Variants in PARD3 observed in about 807,000 individuals in gnomAD.
The protein encoded by PARD3 is partitioning defective 3 homolog.
A neutral mutation model predicts 155.4 loss-of-function variants in PARD3; 75 were observed. The observed-to-expected ratio is 0.48, with a 90% CI of 0.40 to 0.58. The LOEUF (loss-of-function observed/expected upper bound fraction) is 0.58. Among genes scored for constraint, PARD3 ranks in the 20% least tolerant of loss-of-function variants. The pLI is 0.00. For missense variants in PARD3, 1,642 were observed against 1,721.7 expected (o/e 0.95, Z 0.82); for synonymous variants, 576 against 610.5 (o/e 0.94, Z 0.83).
intron 11 of PARD3, among the ~76,000 whole-genome samples, chr10:34,372,873 T>C (rs914562401): frequency 3.9e-5 from 6 of 152,108 alleles, no homozygotes; most frequent in African/African-American, 1.4e-4. Flanking sequence ...ATTTTCCCAA[T>C]CAAATCAAAG....
intron 19 of PARD3, among the ~76,000 whole-genome samples, chr10:34,328,458 T>C (rs1835275445): frequency 6.6e-6 from 1 of 152,132 alleles, no homozygotes; most frequent in Non-Finnish European, 1.5e-5. Flanking sequence ...GCCAGAACTT[T>C]TACAACTTTT....
chr10:34,814,766 C>G, intron 1 of PARD3, 110 bp downstream of exon 1: 1 of 1,002,450 alleles, frequency 1.0e-6, no homozygotes, highest in Non-Finnish European at 1.4e-6. Flanking sequence ...GCCGCACTTT[C>G]CCTTTCCCCG....
rs149138328 is a variant in PARD3 at position 34,538,488 on chromosome 10, G to C, written c.223-21329C>G. On this transcript the variant is annotated intron_variant, in intron 2 of 24. Coordinates refer to ENST00000374788, the MANE Select transcript of PARD3 (RefSeq NM_001184785.2). ...AATCATAGAAATTGAAAGAAAATAA[G>C]CTTTGCCAAGACACAGAAGCCAAGA... Among the ~76,000 whole-genome samples the C allele has an allele frequency of 2.2e-4, 34 of 152,322 alleles. No homozygotes were observed. In the East Asian group the frequency reaches 6.4e-3, roughly 28 times the overall value.
chr10:34,181,849 A>T lies in PARD3; in HGVS notation c.3420-50266T>A, dbSNP rs371386107. Among the ~76,000 whole-genome samples, 73 of 152,184 alleles carry T rather than the reference A, an allele frequency of 4.8e-4. 2 individuals are homozygous for T. In the South Asian group the frequency reaches 0.015, roughly 30 times the overall value. On this transcript the variant is annotated intron_variant, in intron 22 of 24. Transcript: ENST00000374788. ...GACAGTGCATCTGATGCCTCCAACAAAGACACAGTCCCAAATTTTAACATC... is the reference window on the plus strand; with the variant it reads ...GACAGTGCATCTGATGCCTCCAACATAGACACAGTCCCAAATTTTAACATC...
chr10:34,707,640 T>A (rs563869804), intron 1 of PARD3, among the ~76,000 whole-genome samples: 112 of 152,210 alleles, frequency 7.4e-4, no homozygotes, highest in Non-Finnish European at 1.5e-3. Flanking sequence ...AGTGCTTCTA[T>A]CCAAACTTCG....
At chr10:34,422,281 C>T (rs1043237034) in intron 5 of PARD3, among the ~76,000 whole-genome samples, 7 of 152,022 alleles carry the variant, frequency 4.6e-5, no homozygotes, top group Non-Finnish European at 8.8e-5. Context: ...AGAAAACTGA[C>T]GTAATAATGC....
chr10:34,221,862 C>T (rs1426703331), intron 22 of PARD3, among the ~76,000 whole-genome samples: 1 of 152,170 alleles, frequency 6.6e-6, no homozygotes, highest in Non-Finnish European at 1.5e-5. Flanking sequence ...CAATGCAATA[C>T]ACATGCATGT....
chr10:34,510,151 C>T (rs921645742), intron 3 of PARD3, among the ~76,000 whole-genome samples: 4 of 152,190 alleles, frequency 2.6e-5, no homozygotes, highest in Admixed American at 1.3e-4. Flanking sequence ...CTCCTTCCAA[C>T]GTAGGAACAA....
intron 2 of PARD3, among the ~76,000 whole-genome samples, chr10:34,580,257 G>A (rs1227197347): frequency 1.3e-5 from 2 of 152,120 alleles, no homozygotes; most frequent in African/African-American, 4.8e-5. Flanking sequence ...TGCTTGGCCA[G>A]GCACAGTAGT....
At chr10:34,399,868 G>GT (rs1165667413) in intron 6 of PARD3, among the ~76,000 whole-genome samples, 1 of 152,174 alleles carries the variant, frequency 6.6e-6, no homozygotes, top group South Asian at 2.1e-4. Context: ...GAATAAAGAT[G>GT]TTGCAGCTAC....
At chr10:34,487,649 T>A (rs1048045171) in intron 3 of PARD3, among the ~76,000 whole-genome samples, 1 of 151,654 alleles carries the variant, frequency 6.6e-6, no homozygotes, top group African/African-American at 2.4e-5. Context: ...ACTTTTTTTT[T>A]TTTTTAACTA....
At chr10:34,223,659 G>C (rs551762481) in intron 22 of PARD3, among the ~76,000 whole-genome samples, 3 of 152,216 alleles carry the variant, frequency 2.0e-5, no homozygotes, top group Non-Finnish European at 2.9e-5. Flanking sequence ...CAGAGAAATT[G>C]TATGGGCTTA....
intron 7 of PARD3, among the ~76,000 whole-genome samples, chr10:34,389,358 G>C (rs1842665718): frequency 6.7e-6 from 1 of 150,326 alleles, no homozygotes; most frequent in Non-Finnish European, 1.5e-5. Context: ...TAACTACTTA[G>C]ATTATATTAA....
At chr10:34,729,060 C>T (rs1047813334) in intron 1 of PARD3, among the ~76,000 whole-genome samples, 1 of 152,180 alleles carries the variant, frequency 6.6e-6, no homozygotes, top group Non-Finnish European at 1.5e-5. Flanking sequence ...ACAGGTTAGA[C>T]CACACAGCCG....
chr10:34,776,835 T>TGGGGG (rs35834725), intron 1 of PARD3, among the ~76,000 whole-genome samples: 32 of 64,618 alleles, frequency 5.0e-4, no homozygotes, highest in South Asian at 1.6e-3. Flanking sequence ...TGTTTTTTTG[T>TGGGGG]GGGGGGGGGG....
chr10:34,327,831 T>C (rs1835194556), intron 19 of PARD3, among the ~76,000 whole-genome samples: 1 of 151,948 alleles, frequency 6.6e-6, no homozygotes, highest in Non-Finnish European at 1.5e-5. Flanking sequence ...AGTTGGACCA[T>C]CGGGACAAGA....
At chr10:34,723,313 T>C (rs1302120448) in intron 1 of PARD3, among the ~76,000 whole-genome samples, 2 of 152,084 alleles carry the variant, frequency 1.3e-5, no homozygotes, top group South Asian at 4.1e-4. Flanking sequence ...AAAGAAATCA[T>C]ATATTGACTT....
intron 2 of PARD3, chr10:34,675,888 G>T (rs897818692): frequency 5.1e-6 from 1 of 195,968 alleles, no homozygotes. Context: ...TTGGATACAG[G>T]CACACAAAGA....
intron 2 of PARD3, among the ~76,000 whole-genome samples, chr10:34,591,835 T>C (rs2088723721): frequency 6.6e-6 from 1 of 152,190 alleles, no homozygotes; most frequent in South Asian, 2.1e-4. Context: ...TCATTGTTAC[T>C]ACACTTAAAA....
Sources: gnomAD v4.1 joint callset for allele counts (sites outside exome capture counted in the v4.1 genomes callset) on GRCh38, gnomAD v4.1.1 for gene constraint, MANE v1.5 for transcripts, NCBI Gene and HGNC (gene_info 2026-07-23, HGNC 2026-07-21) for gene names.